Variants in CHIC2 observed in about 807,000 individuals in gnomAD.
CHIC2 encodes the protein cysteine-rich hydrophobic domain-containing protein 2.
A neutral mutation model predicts 25.9 loss-of-function variants in CHIC2; 14 were observed. That is an observed-to-expected ratio of 0.54 (90% CI 0.36 to 0.85). The LOEUF (loss-of-function observed/expected upper bound fraction) is 0.85. CHIC2 is among the 40% of genes least tolerant of loss of function. CHIC2 has a pLI of 0.01. For synonymous variants in CHIC2, 70 were observed against 72.0 expected (o/e 0.97, Z 0.14); for missense variants, 146 against 202.0 (o/e 0.72, Z 1.68).
chr4:54,051,521 C>A (rs1171010451), intron 1 of CHIC2, among the ~76,000 whole-genome samples: 1 of 151,986 alleles, frequency 6.6e-6, no homozygotes, highest in African/African-American at 2.4e-5. Flanking sequence ...TCCTCACAAC[C>A]AACATTTTTT....
chr4:54,046,164 TG>T lies in CHIC2; in HGVS notation c.330+2790del, dbSNP rs1347876489. 3.4e-5 allele frequency among the ~76,000 whole-genome samples: 5 copies of T among 148,034 alleles called. No individual in the cohort carries two copies. The East Asian group carries it at 9.9e-4, about 29-fold the overall frequency. On this transcript the variant is annotated intron_variant, in intron 3 of 5. Transcript: ENST00000263921. ...GGAAATAAAAAAGGATACAAACAAA[TG>T]GAAGAACATTCCATGCTCATGGATA...
chr4:54,010,084 T>G lies in CHIC2; in HGVS notation c.*11A>C. On this transcript the variant is annotated 3_prime_UTR_variant, in exon 6 of 6. Coordinates refer to ENST00000263921, the MANE Select transcript of CHIC2 (RefSeq NM_012110.4). ...AACATACTTGGAAAGTCTCTATAAA[T>G]AAAGTAAATGCTAATCTGGTCGAAA... 1 of 1,584,132 alleles carries G rather than the reference T, an allele frequency of 6.3e-7. No homozygotes were observed. Among genetic ancestry groups the G allele is most frequent in the Non-Finnish European group, 8.7e-7 (1 of 1,154,654 alleles).
the CHIC2 span, among the ~76,000 whole-genome samples, chr4:54,085,423 CA>C: frequency 1.3e-5 from 2 of 152,268 alleles, no homozygotes; most frequent in African/African-American, 4.8e-5. Context: ...CTTGCTCAAT[CA>C]ATTTTCAGTC....
At chr4:54,081,719 CTGT>C in the CHIC2 span, among the ~76,000 whole-genome samples, 9 of 151,710 alleles carry the variant, frequency 5.9e-5, no homozygotes, top group East Asian at 1.9e-4. Flanking sequence ...TTGCTTGTTG[CTGT>C]TGTTGTTGTT....
At chr4:54,015,311 A>G (rs1715705795) in intron 3 of CHIC2, among the ~76,000 whole-genome samples, 1 of 152,102 alleles carries the variant, frequency 6.6e-6, no homozygotes, top group African/African-American at 2.4e-5. Flanking sequence ...AATTTATTAC[A>G]TTACTTTTTC....
chr4:54,031,611 CTTTTTTT>C (rs1037563282), intron 3 of CHIC2, among the ~76,000 whole-genome samples: 9 of 103,412 alleles, frequency 8.7e-5, no homozygotes, highest in African/African-American at 3.1e-4. Flanking sequence ...GATGTACTTG[CTTTTTTT>C]TTTTTTTTTT....
intron 3 of CHIC2, among the ~76,000 whole-genome samples, chr4:54,015,180 T>G (rs1715701156): frequency 6.6e-6 from 1 of 152,132 alleles, no homozygotes; most frequent in Non-Finnish European, 1.5e-5. Flanking sequence ...CAAAGTCACA[T>G]AGATGCCAAT....
At position 54,064,255 on chromosome 4, in the gene CHIC2, G is replaced by A; in HGVS notation, c.46C>T (p.Arg16Trp). ...EIYEEEEDEE[R>W]ALEEQLLKYS... ...TTGAGCAGCTGCTCCTCCAGGGCCCGCTCCTCGTCCTCCTCTTCCTCATAG... is the reference window on the plus strand; with the variant it reads ...TTGAGCAGCTGCTCCTCCAGGGCCCACTCCTCGTCCTCCTCTTCCTCATAG... The change falls in exon 1 of 6, where the codon CGG becomes TGG. Residue 16 changes from arginine (R) to tryptophan (W), a missense_variant. By Grantham distance (101) the Arg-to-Trp change is moderately radical. Coordinates refer to ENST00000263921, the MANE Select transcript of CHIC2 (RefSeq NM_012110.4). The surrounding 1 kb of genome is among the most constrained non-coding windows in gnomAD (Gnocchi z 4.2). 6.2e-7 allele frequency: 1 copy of A among 1,611,414 alleles called. No homozygotes were observed. The highest frequency in any genetic ancestry group is 8.5e-7 in the Non-Finnish European group (1 of 1,178,872).
chr4:54,025,353 G>A (rs923526395), intron 3 of CHIC2, among the ~76,000 whole-genome samples: 1 of 151,966 alleles, frequency 6.6e-6, no homozygotes, highest in Non-Finnish European at 1.5e-5. Flanking sequence ...TACTTTGTGA[G>A]ATCCACCCCC....
intron 1 of CHIC2, among the ~76,000 whole-genome samples, chr4:54,056,635 T>C (rs1717185308): frequency 6.6e-6 from 1 of 152,130 alleles, no homozygotes; most frequent in Non-Finnish European, 1.5e-5. Flanking sequence ...TTCACTTTTT[T>C]TATCAATCAA....
chr4:54,062,892 G>A (rs1717380059), intron 1 of CHIC2, among the ~76,000 whole-genome samples: 1 of 152,084 alleles, frequency 6.6e-6, no homozygotes, highest in Non-Finnish European at 1.5e-5. Context: ...TCTTAAGCTG[G>A]TGACAACACT....
At chr4:54,049,386 C>T in intron 1 of CHIC2, 81 bp from the exon 2 acceptor site, 2 of 821,526 alleles carry the variant, frequency 2.4e-6, no homozygotes, top group Non-Finnish European at 3.7e-6. Flanking sequence ...AAGGTCAAGT[C>T]AATAGAAAGC....
chr4:54,044,984 A>G (rs1225554073), intron 3 of CHIC2, among the ~76,000 whole-genome samples: 3 of 151,808 alleles, frequency 2.0e-5, no homozygotes, highest in Non-Finnish European at 4.4e-5. Context: ...CCGATCCCAC[A>G]GAAATACAAA....
rs1198767427 is a variant in CHIC2 at position 54,025,986 on chromosome 4, C to T, written c.331-11867G>A. ...AGGAACCAGCATTTGTGGATCCTCA[C>T]TTTGGGTCTGATCCCATGTTGTGTC... On this transcript the variant is annotated intron_variant, in intron 3 of 5. Coordinates refer to ENST00000263921, the MANE Select transcript of CHIC2 (RefSeq NM_012110.4). Among the ~76,000 whole-genome samples, 13 of 152,242 alleles carry T rather than the reference C, an allele frequency of 8.5e-5. No individual in the cohort carries two copies. The East Asian group carries it at 2.3e-3, about 27-fold the overall frequency.
In CHIC2 at chr4:54,047,991, GTTTA is replaced by G. The variant is rs1243898186; in HGVS notation, c.330+960_330+963del. ...ATCTCTACCAACATCTTAAAATTTT[GTTTA>G]TTTGTTTGTTGAGACAGAGTTTCAC... On this transcript the variant is annotated intron_variant, in intron 3 of 5. Transcript: ENST00000263921. Among the ~76,000 whole-genome samples the G allele has an allele frequency of 4.0e-5, 6 of 151,744 alleles. No individual in the cohort carries two copies. In the South Asian group the frequency reaches 1.0e-3, roughly 26 times the overall value.
At chr4:54,024,093 A>G (rs1258339715) in intron 3 of CHIC2, among the ~76,000 whole-genome samples, 1 of 152,122 alleles carries the variant, frequency 6.6e-6, no homozygotes, top group Non-Finnish European at 1.5e-5. Context: ...CCTTCTCGTC[A>G]GTCACTCCCA....
intron 3 of CHIC2, among the ~76,000 whole-genome samples, chr4:54,025,659 G>C (rs1716036966): frequency 6.6e-6 from 1 of 151,884 alleles, no homozygotes; most frequent in Non-Finnish European, 1.5e-5. Flanking sequence ...AGAAGTTCGA[G>C]ACCAGCCTGA....
chr4:54,047,817 CCT>C (rs1182798355), intron 3 of CHIC2, among the ~76,000 whole-genome samples: 1 of 151,100 alleles, frequency 6.6e-6, no homozygotes, highest in African/African-American at 2.4e-5. Flanking sequence ...AAAAAGAAAC[CCT>C]GTCTCTATTT....
chr4:54,065,226 A>T (rs968808898), upstream of CHIC2: 17 of 708,134 alleles, frequency 2.4e-5, no homozygotes, highest in Non-Finnish European at 2.8e-5. Flanking sequence ...ATATGAGGCC[A>T]GCGATGCTGG....
Sources: gnomAD v4.1 joint callset for allele counts (sites outside exome capture counted in the v4.1 genomes callset) on GRCh38, gnomAD v4.1.1 for gene constraint, Gnocchi (gnomAD v3.1) non-coding constraint, MANE v1.5 for transcripts, NCBI Gene and HGNC (gene_info 2026-07-23, HGNC 2026-07-21) for gene names.